The following INSYN2B variants were observed in gnomAD, a reference collection of about 807,000 sequenced individuals.
The protein encoded by INSYN2B is inhibitory synaptic factor family member 2B, also known as protein INSYN2B.
Under a neutral mutation model 41.2 loss-of-function variants are expected in INSYN2B, and 16 were observed. That is an observed-to-expected ratio of 0.39 (90% CI 0.26 to 0.59). The LOEUF (loss-of-function observed/expected upper bound fraction) is 0.59, where lower values mean the gene tolerates loss of function less well. Among genes scored for constraint, INSYN2B ranks in the 20% least tolerant of loss-of-function variants. INSYN2B has a pLI of 0.57. For synonymous variants in INSYN2B, 245 were observed against 244.4 expected (o/e 1.00, Z -0.02); for missense variants, 608 against 646.4 (o/e 0.94, Z 0.64).
intron 1 of INSYN2B, among the ~76,000 whole-genome samples, chr5:169,974,158 C>T (rs930600799): frequency 1.3e-5 from 2 of 152,194 alleles, no homozygotes; most frequent in African/African-American, 4.8e-5. Context: ...TCTAGGCAAC[C>T]TATATCCCCT....
intron 1 of INSYN2B, among the ~76,000 whole-genome samples, chr5:169,920,937 A>C (rs1278163033): frequency 6.6e-6 from 1 of 152,188 alleles, no homozygotes; most frequent in Non-Finnish European, 1.5e-5. Flanking sequence ...AAATATAGTT[A>C]AACAGTTTAT....
At chr5:169,872,867 A>C (rs1224068603) in intron 3 of INSYN2B, among the ~76,000 whole-genome samples, 1 of 152,334 alleles carries the variant, frequency 6.6e-6, no homozygotes, top group East Asian at 1.9e-4. Flanking sequence ...TAAAATGGGA[A>C]TGTTAATCCT....
intron 1 of INSYN2B, among the ~76,000 whole-genome samples, chr5:169,944,252 T>C (rs1474884407): frequency 3.3e-5 from 5 of 152,198 alleles, no homozygotes; most frequent in East Asian, 3.9e-4. Context: ...TGATATTCTA[T>C]TTCCTGTGAC....
intron 1 of INSYN2B, among the ~76,000 whole-genome samples, chr5:169,934,383 C>T (rs1304268546): frequency 6.6e-6 from 1 of 152,130 alleles, no homozygotes; most frequent in African/African-American, 2.4e-5. Flanking sequence ...CTGTGTTGTT[C>T]CCACTAATTT....
intron 1 of INSYN2B, among the ~76,000 whole-genome samples, chr5:169,926,177 C>A (rs1389356944): frequency 6.6e-6 from 1 of 152,106 alleles, no homozygotes; most frequent in Non-Finnish European, 1.5e-5. Flanking sequence ...CTATAGTCGG[C>A]ATGGATGTGG....
chr5:169,926,134 A>G (rs543989029), intron 1 of INSYN2B, among the ~76,000 whole-genome samples: 8 of 152,182 alleles, frequency 5.3e-5, no homozygotes, highest in Non-Finnish European at 1.2e-4. Context: ...CTGGGAAGCC[A>G]GTCAGGCCAA....
chr5:169,887,272 GT>G (rs1299866482), intron 1 of INSYN2B, among the ~76,000 whole-genome samples: 1 of 152,094 alleles, frequency 6.6e-6, no homozygotes, highest in Non-Finnish European at 1.5e-5. Flanking sequence ...TCCTTTAGAT[GT>G]TTTCTTTTGA....
chr5:169,896,164 G>A lies in INSYN2B; in HGVS notation c.-918-11348C>T, dbSNP rs575609262. Reference sequence around the variant, plus strand: ...GCAGATGGTGAAAGAGCCAGAAACCGTTGCTCCTGGGGTCGGGGGGCGGGG... The same window carrying A: ...GCAGATGGTGAAAGAGCCAGAAACCATTGCTCCTGGGGTCGGGGGGCGGGG... On this transcript the variant is annotated intron_variant, in intron 1 of 3. Transcript: ENST00000377365. 2.9e-4 allele frequency among the ~76,000 whole-genome samples: 44 copies of A among 151,752 alleles called. 1 individual carries two copies. Among genetic ancestry groups the A allele is most frequent in the Admixed American group, 1.8e-3 (28 of 15,250 alleles).
intron 1 of INSYN2B, among the ~76,000 whole-genome samples, chr5:169,967,291 G>C (rs139668745): frequency 6.6e-6 from 1 of 152,196 alleles, no homozygotes; most frequent in African/African-American, 2.4e-5. Context: ...TTTCAAATAC[G>C]GGACCTGAAG....
At chr5:169,954,548 G>T (rs1349901428) in intron 1 of INSYN2B, among the ~76,000 whole-genome samples, 7 of 152,212 alleles carry the variant, frequency 4.6e-5, no homozygotes, top group African/African-American at 7.2e-5. Flanking sequence ...ATCAGGCAGA[G>T]CCTGGGTGCA....
At chr5:169,914,668 G>A (rs562265929) in intron 1 of INSYN2B, among the ~76,000 whole-genome samples, 81 of 152,340 alleles carry the variant, frequency 5.3e-4, no homozygotes, top group Middle Eastern at 3.4e-3. Flanking sequence ...TGGCATCTTA[G>A]TAGTAACCTG....
Position 169,882,887 on chromosome 5 carries a change from T to C in INSYN2B, c.1012A>G (p.Asn338Asp). The C allele has an allele frequency of 6.4e-7, 1 of 1,551,624 alleles. No individual in the cohort carries two copies. The part of the protein sequence containing the change: ...DCPSSSNNHQ[N>D]LVSLKTNSAS... ...CTGTTAGTTTTGAGTGACACCAGAT[T>C]CTGGTGATTGTTACTTGATGAAGGA... Residue 338 changes from asparagine (N) to aspartate (D), a missense_variant, in exon 2 of 4, where the codon AAT (asparagine) becomes GAT (aspartate). By Grantham distance (23) the Asn-to-Asp change is conservative (BLOSUM62 1). Coordinates refer to ENST00000377365, the MANE Select transcript of INSYN2B (RefSeq NM_001129891.3).
intron 1 of INSYN2B, among the ~76,000 whole-genome samples, chr5:169,944,596 T>G (rs1470372356): frequency 6.6e-6 from 1 of 152,228 alleles, no homozygotes; most frequent in Non-Finnish European, 1.5e-5. Flanking sequence ...GAGAGCATTT[T>G]AATACCTCTG....
At chr5:169,908,788 C>T (rs1774436657) in intron 1 of INSYN2B, among the ~76,000 whole-genome samples, 1 of 146,862 alleles carries the variant, frequency 6.8e-6, no homozygotes, top group African/African-American at 2.5e-5. Flanking sequence ...GATGTCAGCT[C>T]ACTGCAACCT....
intron 1 of INSYN2B, among the ~76,000 whole-genome samples, chr5:169,893,607 G>T (rs1773422408): frequency 6.6e-6 from 1 of 151,482 alleles, no homozygotes; most frequent in South Asian, 2.1e-4. Flanking sequence ...TTGATTTGTT[G>T]TCAGAGGAAT....
At chr5:169,952,889 C>A (rs1776719329) in intron 1 of INSYN2B, among the ~76,000 whole-genome samples, 1 of 152,116 alleles carries the variant, frequency 6.6e-6, no homozygotes, top group Non-Finnish European at 1.5e-5. Context: ...TTGCAGAAGT[C>A]TGGGACAGTG....
intron 1 of INSYN2B, among the ~76,000 whole-genome samples, chr5:169,974,170 T>A (rs1013390976): frequency 6.6e-6 from 1 of 152,200 alleles, no homozygotes; most frequent in Admixed American, 6.5e-5. Flanking sequence ...ATATCCCCTC[T>A]CTGTTCGTTG....
intron 1 of INSYN2B, among the ~76,000 whole-genome samples, chr5:169,959,646 T>C (rs935055985): frequency 2.0e-5 from 3 of 152,172 alleles, no homozygotes; most frequent in Non-Finnish European, 4.4e-5. Context: ...AGGTAAGTGT[T>C]GGACTAAAGG....
chr5:169,889,645 G>T (rs762105447), intron 1 of INSYN2B, among the ~76,000 whole-genome samples: 4 of 152,134 alleles, frequency 2.6e-5, no homozygotes, highest in Non-Finnish European at 5.9e-5. Context: ...TTCTTTAAAG[G>T]GCCAGATAGT....
Sources: gnomAD v4.1 joint callset for allele counts (sites outside exome capture counted in the v4.1 genomes callset) on GRCh38, gnomAD v4.1.1 for gene constraint, MANE v1.5 for transcripts, NCBI Gene and HGNC (gene_info 2026-07-23, HGNC 2026-07-21) for gene names.